The following AGBL1 variants were observed in gnomAD, a reference collection of about 807,000 sequenced individuals.
AGBL1 encodes the protein cytosolic carboxypeptidase 4.
AGBL1 carries 130 observed loss-of-function variants against 118.9 expected under a neutral mutation model. The ratio of observed to expected loss-of-function variants is 1.09; its 90% CI spans 0.95 to 1.26. The LOEUF is 1.26. Among genes scored for constraint, AGBL1 ranks in the 50% most tolerant of loss-of-function variants. The pLI, the probability that AGBL1 is intolerant of heterozygous loss-of-function variation, is 0.00. For synonymous variants in AGBL1, 555 were observed against 478.9 expected (o/e 1.16, Z -2.08); for missense variants, 1,584 against 1,298.1 (o/e 1.22, Z -3.38).
At chr15:86,586,630 G>C (rs546487131) in intron 21 of AGBL1, among the ~76,000 whole-genome samples, 14 of 152,276 alleles carry the variant, frequency 9.2e-5, no homozygotes, top group African/African-American at 3.4e-4. Flanking sequence ...ACCTAAAGCA[G>C]TCGGGTTACA....
At chr15:86,141,860 A>C (rs2076967652) in intron 1 of AGBL1, 144 bp from the exon 2 acceptor site, 1 of 777,086 alleles carries the variant, frequency 1.3e-6, no homozygotes, top group Non-Finnish European at 2.0e-6. Flanking sequence ...TCTCTTACCA[A>C]GTGAATCCCC....
chr15:86,160,049 CT>C (rs1187891152), intron 5 of AGBL1, among the ~76,000 whole-genome samples: 1 of 147,460 alleles, frequency 6.8e-6, no homozygotes, highest in Non-Finnish European at 1.5e-5. Context: ...TTGAGAATAT[CT>C]GTTATTTAGT....
intron 22 of AGBL1, among the ~76,000 whole-genome samples, chr15:86,706,462 T>G (rs896964240): frequency 1.3e-5 from 2 of 152,120 alleles, no homozygotes; most frequent in East Asian, 3.9e-4. Flanking sequence ...TTATAGCACT[T>G]AATTATGGTA....
At chr15:86,500,984 A>C (rs1023802867) in intron 18 of AGBL1, among the ~76,000 whole-genome samples, 3 of 151,700 alleles carry the variant, frequency 2.0e-5, no homozygotes, top group Non-Finnish European at 3.0e-5. Context: ...TTATGTGGAC[A>C]TATATTTTTA....
intron 24 of AGBL1, among the ~76,000 whole-genome samples, chr15:87,027,186 A>G (rs1014827315): frequency 6.6e-6 from 1 of 152,038 alleles, no homozygotes; most frequent in African/African-American, 2.4e-5. Flanking sequence ...AAATAGCTCA[A>G]CATCACTGAT....
chr15:86,423,822 C>A (rs994640825), intron 18 of AGBL1, among the ~76,000 whole-genome samples: 2 of 152,130 alleles, frequency 1.3e-5, no homozygotes, highest in Admixed American at 1.3e-4. Context: ...ATACAACTTA[C>A]AAGGGATGTG....
intron 22 of AGBL1, among the ~76,000 whole-genome samples, chr15:86,699,749 A>G (rs1335532873): frequency 2.0e-5 from 3 of 152,180 alleles, no homozygotes; most frequent in Non-Finnish European, 2.9e-5. Context: ...CCCATTACAG[A>G]TGATGTTTAC....
At chr15:86,136,906 A>C (rs1011943599) in intron 1 of AGBL1, among the ~76,000 whole-genome samples, 2 of 152,116 alleles carry the variant, frequency 1.3e-5, no homozygotes, top group Non-Finnish European at 2.9e-5. Flanking sequence ...TCCAACTCCA[A>C]CTCCCTGAGT....
rs1376718539 is a variant in AGBL1 at position 86,264,473 on chromosome 15, T to G, written c.1302T>G (p.Pro434=). Residue 434 remains proline, a synonymous_variant, in exon 11 of 23, where the codon CCT becomes CCG. Transcript: ENST00000614907. The stretch of plus-strand genomic sequence containing the variant: ...TGCATCTAGGCTCCAAAAAAAATCC[T>G]GGAGTGAACCTGTACCAAAATGTGC... ...STVHLGSKKN[P]GVNLYQNVQS... is the part of the protein sequence containing the mutation. 6.2e-7 allele frequency: 1 copy of G among 1,614,016 alleles called. No individual in the cohort carries two copies.
chr15:86,888,375 A>G (rs1386419712), intron 22 of AGBL1, among the ~76,000 whole-genome samples: 3 of 151,080 alleles, frequency 2.0e-5, no homozygotes, highest in East Asian at 3.9e-4. Context: ...AAAAAAAAAA[A>G]GAATGCACCA....
chr15:86,781,480 A>G (rs1360194749), intron 22 of AGBL1, among the ~76,000 whole-genome samples: 1 of 152,204 alleles, frequency 6.6e-6, no homozygotes, highest in East Asian at 1.9e-4. Flanking sequence ...ATGACCCATG[A>G]CAGGTGCTCA....
intron 5 of AGBL1, among the ~76,000 whole-genome samples, chr15:86,201,723 A>G (rs1036537552): frequency 1.3e-5 from 2 of 152,238 alleles, no homozygotes; most frequent in Non-Finnish European, 2.9e-5. Context: ...AATGTGCCCA[A>G]TTCTCAGGAC....
chr15:86,777,183 C>T (rs1366348654), intron 22 of AGBL1, among the ~76,000 whole-genome samples: 1 of 152,068 alleles, frequency 6.6e-6, no homozygotes, highest in Admixed American at 6.6e-5. Context: ...GCCAAACTCT[C>T]ATATACATGA....
At chr15:86,620,547 G>T (rs1221073531) in intron 21 of AGBL1, among the ~76,000 whole-genome samples, 2 of 152,080 alleles carry the variant, frequency 1.3e-5, no homozygotes, top group African/African-American at 2.4e-5. Context: ...CTTCCCCAGT[G>T]ACCTTAATTA....
At chr15:86,919,224 C>A (rs1242500819), downstream of AGBL1, among the ~76,000 whole-genome samples, 1 of 152,138 alleles carries the variant, frequency 6.6e-6, no homozygotes, top group Non-Finnish European at 1.5e-5. Flanking sequence ...AAGTGAGTGG[C>A]CCCTTCAACA....
At chr15:86,407,268 C>T (rs997167758) in intron 18 of AGBL1, among the ~76,000 whole-genome samples, 10 of 152,168 alleles carry the variant, frequency 6.6e-5, no homozygotes, top group African/African-American at 2.4e-4. Context: ...GATTGAGTGA[C>T]ATACTCAAGG....
At position 86,256,979 on chromosome 15, in the gene AGBL1, G is replaced by A. The variant is rs1346496606; in HGVS notation, c.862G>A (p.Gly288Arg). 6.2e-6 allele frequency: 10 copies of A among 1,613,684 alleles called. No individual in the cohort carries two copies. In the East Asian group the frequency reaches 1.3e-4, roughly 22 times the overall value. Residue 288 changes from glycine to arginine, a missense_variant, in exon 8 of 23, where the codon GGG becomes AGG. Gly to Arg is a moderately radical substitution (Grantham distance 125). Coordinates refer to ENST00000614907, the MANE Select transcript of AGBL1 (RefSeq NM_001386094.1). ...CAGTGCCTATGCCTTCCCGGTCCCC[G>A]GGTGCATCACCACTGAACCTCCACA... Reference protein sequence around the residue: ...ASSAYAFPVPGCITTEPPHDL... With the variant: ...ASSAYAFPVPRCITTEPPHDL...
At chr15:86,134,016 CTTCT>C (rs1167406739) in intron 1 of AGBL1, among the ~76,000 whole-genome samples, 1 of 152,170 alleles carries the variant, frequency 6.6e-6, no homozygotes, top group African/African-American at 2.4e-5. Flanking sequence ...TTCTAAAACA[CTTCT>C]TTCTTATGAA....
At chr15:86,850,970 T>C (rs1276111235) in intron 22 of AGBL1, among the ~76,000 whole-genome samples, 1 of 152,216 alleles carries the variant, frequency 6.6e-6, no homozygotes, top group Non-Finnish European at 1.5e-5. Context: ...AACTGGAGTA[T>C]AGGAAATCAA....
Sources: allele counts gnomAD v4.1 joint callset (sites outside exome capture counted in the v4.1 genomes callset), GRCh38; gene constraint gnomAD v4.1.1; transcripts MANE v1.5; gene names NCBI Gene and HGNC (gene_info 2026-07-23, HGNC 2026-07-21).